Variants in CLVS2 observed in about 807,000 individuals in gnomAD.
The protein encoded by CLVS2 is clavesin-2.
In CLVS2, 19 loss-of-function variants were observed where a neutral mutation model predicts 29.0. The observed-to-expected ratio is 0.66, with a 90% CI of 0.46 to 0.96. The LOEUF (loss-of-function observed/expected upper bound fraction) is 0.96, where lower values mean the gene tolerates loss of function less well. Ranked by LOEUF, CLVS2 falls within the 40% of genes least tolerant of loss-of-function variation. CLVS2 has a pLI of 0.00. For missense variants in CLVS2, 294 were observed against 404.1 expected (o/e 0.73, Z 2.34); for synonymous variants, 161 against 151.3 (o/e 1.06, Z -0.47).
In CLVS2 at chr6:123,067,915, C is replaced by T. The variant is rs1254855701; in HGVS notation, c.*4154C>T. 1 of 151,566 alleles carries T rather than the reference C, an allele frequency of 6.6e-6. No individual in the cohort carries two copies. Among genetic ancestry groups the T allele is most frequent in the African/African-American group, 2.4e-5 (1 of 41,348 alleles). The allele number at this position is 151,566 out of a possible 1,614,324, so 9.4% of individuals were successfully genotyped here. ...CCCATATGCTACTGGAACTATTTGA[C>T]ATTATTTGCTACATGAAAAAAGGCA... On this transcript the variant is annotated 3_prime_UTR_variant, in exon 6 of 6. Transcript: ENST00000275162.
In CLVS2 at chr6:123,046,671, A is replaced by AT. The variant is rs373758281; in HGVS notation, c.565-1951_565-1950insT. Among the ~76,000 whole-genome samples, 8 of 147,490 alleles carry AT rather than the reference A, an allele frequency of 5.4e-5. No individual in the cohort carries two copies. The East Asian group carries it at 1.4e-3, about 26-fold the overall frequency. ...GAAACTCAGTCTCAAAAAAAAAAAA[A>AT]AATAATAATAATAATCACTTGAGCC... On this transcript the variant is annotated intron_variant, in intron 3 of 5. Coordinates refer to ENST00000275162, the MANE Select transcript of CLVS2 (RefSeq NM_001010852.4).
At chr6:123,007,253 C>A (rs1774682410) in intron 2 of CLVS2, among the ~76,000 whole-genome samples, 1 of 152,068 alleles carries the variant, frequency 6.6e-6, no homozygotes, top group South Asian at 2.1e-4. Context: ...ACCCATTGGG[C>A]TAAGTAGTTT....
chr6:123,014,446 A>T (rs1436592604), intron 3 of CLVS2, among the ~76,000 whole-genome samples: 1 of 152,100 alleles, frequency 6.6e-6, no homozygotes, highest in Non-Finnish European at 1.5e-5. Flanking sequence ...ATAGTATAAG[A>T]TCAATTAAGG....
At chr6:123,015,865 A>G (rs561818430) in intron 3 of CLVS2, among the ~76,000 whole-genome samples, 2 of 152,006 alleles carry the variant, frequency 1.3e-5, no homozygotes, top group Non-Finnish European at 2.9e-5. Flanking sequence ...TTTTATTAAT[A>G]TAACAACAAA....
At position 123,070,612 on chromosome 6, in the gene CLVS2, G is replaced by A. The variant is rs1251836911; in HGVS notation, c.*6851G>A. ...AGCCGATGTCTTTATATCAGTGTAT[G>A]AGAAGTCTTGATATGAAGGCAGTAA... On this transcript the variant is annotated 3_prime_UTR_variant, in exon 6 of 6. Transcript: ENST00000275162. The A allele has an allele frequency of 6.6e-6, 1 of 151,966 alleles. No individual in the cohort carries two copies. 9.4% of individuals were successfully genotyped at this position (151,966 alleles called of 1,614,324 possible).
At chr6:123,023,204 T>A (rs1774949775) in intron 3 of CLVS2, among the ~76,000 whole-genome samples, 1 of 152,076 alleles carries the variant, frequency 6.6e-6, no homozygotes, top group African/African-American at 2.4e-5. Flanking sequence ...TGCTGTGGTG[T>A]GTCCTTTTCT....
intron 3 of CLVS2, among the ~76,000 whole-genome samples, chr6:123,046,729 A>C (rs9490636): frequency 0.085 from 12,888 of 151,950 alleles, 1,892 homozygotes; most frequent in African/African-American, 0.29. Flanking sequence ...GTGTTCCTTT[A>C]GTTTTATTCT....
chr6:123,008,257 T>C (rs1233216390), intron 2 of CLVS2, among the ~76,000 whole-genome samples: 1 of 152,144 alleles, frequency 6.6e-6, no homozygotes, highest in Non-Finnish European at 1.5e-5. Context: ...GAGCCAGATA[T>C]TGAATTCAAA....
rs1286645919 is a variant in CLVS2 at position 123,071,875 on chromosome 6, A to G, written c.*8114A>G. 1 of 152,064 alleles carries G rather than the reference A, an allele frequency of 6.6e-6. No homozygotes were observed. Among genetic ancestry groups the G allele is most frequent in the Non-Finnish European group, 1.5e-5 (1 of 67,950 alleles). The allele number at this position is 152,064 out of a possible 1,614,324, so 9.4% of individuals were successfully genotyped here. A position where few individuals can be genotyped will look rare whatever the true frequency, so the allele number is the denominator to read the frequency against. On this transcript the variant is annotated 3_prime_UTR_variant, in exon 6 of 6. Transcript: ENST00000275162. ...GTTGAAAATTTATAGCTGTGACACA[A>G]GATGATAGAAATTGCTCATGCTCAC...
chr6:123,037,056 T>C (rs1395329469), intron 3 of CLVS2, among the ~76,000 whole-genome samples: 1 of 152,198 alleles, frequency 6.6e-6, no homozygotes, highest in Non-Finnish European at 1.5e-5. Context: ...TTCATGAATC[T>C]TTTATTTTTT....
At chr6:123,026,946 A>T (rs1014079152) in intron 3 of CLVS2, among the ~76,000 whole-genome samples, 1 of 152,192 alleles carries the variant, frequency 6.6e-6, no homozygotes, top group Non-Finnish European at 1.5e-5. Context: ...TATTAAAATC[A>T]ATTCAACAAA....
At chr6:123,051,433 A>G (rs1428792751) in intron 4 of CLVS2, among the ~76,000 whole-genome samples, 1 of 152,158 alleles carries the variant, frequency 6.6e-6, no homozygotes. Flanking sequence ...AACCAATATT[A>G]GTTCCTTAAA....
intron 3 of CLVS2, among the ~76,000 whole-genome samples, chr6:123,035,104 T>A (rs1281248004): frequency 6.6e-6 from 1 of 152,156 alleles, no homozygotes; most frequent in East Asian, 1.9e-4. Context: ...TTGTTTTGCA[T>A]CATTAAAAGA....
At chr6:123,039,809 T>G (rs1775202688) in intron 3 of CLVS2, among the ~76,000 whole-genome samples, 1 of 152,216 alleles carries the variant, frequency 6.6e-6, no homozygotes, top group Non-Finnish European at 1.5e-5. Flanking sequence ...AGTGTTGGTT[T>G]TACTTTGAGA....
intron 5 of CLVS2, among the ~76,000 whole-genome samples, chr6:123,062,652 C>A (rs1287449765): frequency 6.6e-6 from 1 of 152,012 alleles, no homozygotes; most frequent in Non-Finnish European, 1.5e-5. Context: ...ATCAGTTAAT[C>A]CTGTAATTAT....
At chr6:123,040,145 A>G (rs1440624777) in intron 3 of CLVS2, among the ~76,000 whole-genome samples, 1 of 152,196 alleles carries the variant, frequency 6.6e-6, no homozygotes, top group Non-Finnish European at 1.5e-5. Flanking sequence ...AAAAACTGTA[A>G]CAAAAGAATG....
chr6:123,014,040 T>G (rs9375213), intron 3 of CLVS2, among the ~76,000 whole-genome samples: 111,242 of 152,032 alleles, frequency 0.73, 41,156 homozygotes, highest in East Asian at 0.91. Context: ...ACGTGCCACA[T>G]TTTCTTAATC....
intron 5 of CLVS2, among the ~76,000 whole-genome samples, chr6:123,063,444 C>T (rs1043283176): frequency 3.9e-5 from 6 of 152,018 alleles, no homozygotes; most frequent in African/African-American, 9.7e-5. Flanking sequence ...GAATCATTGG[C>T]GGCTCACTAT....
intron 4 of CLVS2, among the ~76,000 whole-genome samples, chr6:123,050,408 T>C (rs766883950): frequency 2.6e-5 from 4 of 152,150 alleles, no homozygotes; most frequent in South Asian, 2.1e-4. Flanking sequence ...CTTTGGAGTA[T>C]ATATTGTTAT....
Sources: allele counts gnomAD v4.1 joint callset (sites outside exome capture counted in the v4.1 genomes callset), GRCh38; gene constraint gnomAD v4.1.1; transcripts MANE v1.5; gene names NCBI Gene and HGNC (gene_info 2026-07-23, HGNC 2026-07-21).